The following FGF12 variants were observed in gnomAD, a reference collection of about 807,000 sequenced individuals.
FGF12 encodes the protein fibroblast growth factor 12B.
In FGF12, 14 loss-of-function variants were observed where a neutral mutation model predicts 23.6. That is an observed-to-expected ratio of 0.59 (90% CI 0.39 to 0.93). The LOEUF (loss-of-function observed/expected upper bound fraction) is 0.93, where lower values mean the gene tolerates loss of function less well. Among genes scored for constraint, FGF12 ranks in the 40% least tolerant of loss-of-function variants. The pLI is 0.00. For missense variants in FGF12, 175 were observed against 217.8 expected, an observed-to-expected ratio of 0.80 and a Z score of 1.24; for synonymous variants, 62 against 77.3, an observed-to-expected ratio of 0.80 and a Z score of 1.04.
chr3:192,511,280 G>C (rs1445707045), intron 2 of FGF12, among the ~76,000 whole-genome samples: 1 of 151,906 alleles, frequency 6.6e-6, no homozygotes, highest in Admixed American at 6.6e-5. Context: ...CTACTGTAGG[G>C]ACCTACTGCC....
intron 5 of FGF12, among the ~76,000 whole-genome samples, chr3:192,167,772 ATTT>A (rs368951795): frequency 6.5e-5 from 1 of 15,396 alleles, no homozygotes; most frequent in Non-Finnish European, 1.2e-4. Context: ...TATATATAAA[ATTT>A]TTTTTTTTTT....
chr3:192,298,337 TAGA>T (rs1326437719), intron 4 of FGF12, among the ~76,000 whole-genome samples: 1 of 152,178 alleles, frequency 6.6e-6, no homozygotes, highest in Admixed American at 6.5e-5. Flanking sequence ...AAGACAACAA[TAGA>T]AGAACAGGAA....
intron 4 of FGF12, among the ~76,000 whole-genome samples, chr3:192,226,267 G>A (rs1412197053): frequency 6.6e-6 from 1 of 151,996 alleles, no homozygotes; most frequent in Non-Finnish European, 1.5e-5. Context: ...TTTGTTTCAT[G>A]CATGATTACC....
intron 4 of FGF12, among the ~76,000 whole-genome samples, chr3:192,197,536 A>G (rs1717133857): frequency 6.6e-6 from 1 of 152,152 alleles, no homozygotes; most frequent in Non-Finnish European, 1.5e-5. Flanking sequence ...TGCATTTGAA[A>G]CAGTGAAGGG....
intron 4 of FGF12, among the ~76,000 whole-genome samples, chr3:192,307,579 A>AT (rs1236029823): frequency 1.3e-5 from 2 of 152,202 alleles, no homozygotes; most frequent in African/African-American, 2.4e-5. Context: ...TACAGGCAGA[A>AT]TTTTTTTAAA....
chr3:192,432,423 C>T (rs116642964), intron 2 of FGF12, among the ~76,000 whole-genome samples: 428 of 151,946 alleles, frequency 2.8e-3, no homozygotes, highest in African/African-American at 1.0e-2. Flanking sequence ...TAATCCACTC[C>T]CCTTCGACAT....
intron 2 of FGF12, among the ~76,000 whole-genome samples, chr3:192,424,847 T>G (rs1347032563): frequency 6.6e-6 from 1 of 152,148 alleles, no homozygotes; most frequent in African/African-American, 2.4e-5. Context: ...ATAGGCCATG[T>G]TTTTTATCCC....
intron 2 of FGF12, among the ~76,000 whole-genome samples, chr3:192,542,276 A>G (rs1725389201): frequency 6.6e-6 from 1 of 152,148 alleles, no homozygotes; most frequent in African/African-American, 2.4e-5. Flanking sequence ...TTCTGCTGAT[A>G]AGAGACTCTG....
chr3:192,347,168 T>C (rs1198273180), intron 3 of FGF12, among the ~76,000 whole-genome samples: 1 of 152,182 alleles, frequency 6.6e-6, no homozygotes, highest in Non-Finnish European at 1.5e-5. Context: ...GTATGCTTCA[T>C]TGTTGAAAAC....
At chr3:192,393,964 T>C (rs922233957) in intron 2 of FGF12, among the ~76,000 whole-genome samples, 1 of 152,200 alleles carries the variant, frequency 6.6e-6, no homozygotes, top group Non-Finnish European at 1.5e-5. Flanking sequence ...AATTAAGGCA[T>C]GACTTGCCTC....
intron 4 of FGF12, among the ~76,000 whole-genome samples, chr3:192,277,429 C>G (rs1044365252): frequency 6.6e-6 from 1 of 152,108 alleles, no homozygotes; most frequent in African/African-American, 2.4e-5. Context: ...ATTGCAAAAC[C>G]AAGAGACACA....
At chr3:192,395,925 G>C (rs1305165571) in intron 2 of FGF12, among the ~76,000 whole-genome samples, 1 of 152,190 alleles carries the variant, frequency 6.6e-6, no homozygotes, top group East Asian at 1.9e-4. Context: ...TAAAAGAACT[G>C]AAATGGATAG....
rs1344010863 is a variant in FGF12 at position 192,141,603 on chromosome 3, C to G, written c.*2406G>C. The G allele has an allele frequency of 6.6e-6, 1 of 151,916 alleles. No individual in the cohort carries two copies. Among genetic ancestry groups the G allele is most frequent in the Admixed American group, 6.6e-5 (1 of 15,250 alleles). 9.4% of individuals were successfully genotyped at this position (151,916 alleles called of 1,614,324 possible). ...GTTAGAATTTTTTCTTAACTGCTAT[C>G]AGGAAGGAGACAAATGTGAGTCTAG... On this transcript the variant is annotated 3_prime_UTR_variant, in exon 6 of 6. Transcript: ENST00000445105.
At chr3:192,715,424 C>G (rs949768621) in intron 2 of FGF12, among the ~76,000 whole-genome samples, 2 of 152,202 alleles carry the variant, frequency 1.3e-5, no homozygotes, top group African/African-American at 4.8e-5. Context: ...CTCCTGGCTA[C>G]TACATGTATA....
intron 2 of FGF12, among the ~76,000 whole-genome samples, chr3:192,403,216 T>C (rs1453968233): frequency 9.2e-5 from 14 of 152,224 alleles, no homozygotes; most frequent in Admixed American, 9.2e-4. Context: ...AGACAAAGCT[T>C]ACATTTCTAA....
At chr3:192,429,314 A>G (rs1270600765) in intron 2 of FGF12, among the ~76,000 whole-genome samples, 2 of 152,256 alleles carry the variant, frequency 1.3e-5, no homozygotes, top group East Asian at 1.9e-4. Context: ...AGAACAGGCC[A>G]TATTTTGATG....
chr3:192,526,857 C>T (rs994628577), intron 2 of FGF12, among the ~76,000 whole-genome samples: 5 of 152,088 alleles, frequency 3.3e-5, no homozygotes, highest in Non-Finnish European at 5.9e-5. Context: ...AAGCAGTATG[C>T]GTCATGCCTT....
At chr3:192,545,183 A>G (rs1156368732) in intron 2 of FGF12, among the ~76,000 whole-genome samples, 1 of 152,184 alleles carries the variant, frequency 6.6e-6, no homozygotes, top group Admixed American at 6.5e-5. Context: ...CAAATACTAC[A>G]GGATATTCCT....
At chr3:192,217,981 C>T (rs531292926) in intron 4 of FGF12, among the ~76,000 whole-genome samples, 13 of 152,082 alleles carry the variant, frequency 8.5e-5, no homozygotes, top group East Asian at 3.9e-4. Flanking sequence ...GGATTACAGA[C>T]GTGTGCCACC....
Sources: allele counts gnomAD v4.1 joint callset (sites outside exome capture counted in the v4.1 genomes callset), GRCh38; gene constraint gnomAD v4.1.1; transcripts MANE v1.5; gene names NCBI Gene and HGNC (gene_info 2026-07-23, HGNC 2026-07-21).